Variants in PTPRN2 observed in about 807,000 individuals in gnomAD.
The protein encoded by PTPRN2 is receptor-type tyrosine-protein phosphatase N2.
PTPRN2 carries 74 observed loss-of-function variants against 118.8 expected under a neutral mutation model. The ratio of observed to expected loss-of-function variants is 0.62; its 90% CI spans 0.52 to 0.76. The LOEUF (loss-of-function observed/expected upper bound fraction) is 0.76. Among genes scored for constraint, PTPRN2 ranks in the 30% least tolerant of loss-of-function variants. The pLI, the probability that PTPRN2 is intolerant of heterozygous loss-of-function variation, is 0.00. For missense variants in PTPRN2, 1,481 were observed against 1,394.4 expected (o/e 1.06, Z -0.99); for synonymous variants, 641 against 608.0 (o/e 1.05, Z -0.80).
chr7:157,585,106 G>A lies in PTPRN2; in HGVS notation c.2497-6966C>T, dbSNP rs75340341. ...TTTAGGGATGACACGATGAGGTGAC[G>A]TAGCCCACACACACGTCAGCAGTGC... On this transcript the variant is annotated intron_variant, in intron 17 of 22. Transcript: ENST00000389418. This position sits in a 1 kb window ranked among gnomAD's most constrained non-coding sequence, Gnocchi z 5.2. 0.018 allele frequency among the ~76,000 whole-genome samples: 2,698 copies of A among 152,246 alleles called. 43 individuals are homozygous for A. The highest frequency in any genetic ancestry group is 0.061 in the South Asian group (295 of 4,820).
chr7:157,733,273 T>TTG, intron 12 of PTPRN2, among the ~76,000 whole-genome samples: 1 of 21,566 alleles, frequency 4.6e-5, no homozygotes, highest in African/African-American at 2.6e-4. Flanking sequence ...CAGTTACTCT[T>TTG]CCGTCCCATG....
Position 157,638,007 on chromosome 7 carries a change from G to A in PTPRN2, c.2197-16498C>T, listed in dbSNP as rs116684436. ...CTATAGCACCTTATTTGAAAATGCC[G>A]AAGTTCTAAAGGTGCTCACTGAAAG... On this transcript the variant is annotated intron_variant, in intron 14 of 22. Coordinates refer to ENST00000389418, the MANE Select transcript of PTPRN2 (RefSeq NM_002847.5). Among the ~76,000 whole-genome samples the A allele has an allele frequency of 4.4e-3, 677 of 152,310 alleles. 7 individuals are homozygous for A. The highest frequency in any genetic ancestry group is 0.015 in the African/African-American group (644 of 41,564).
At chr7:158,497,360 A>G (rs1013772622) in intron 1 of PTPRN2, among the ~76,000 whole-genome samples, 1 of 149,824 alleles carries the variant, frequency 6.7e-6, no homozygotes, top group African/African-American at 2.5e-5. Flanking sequence ...TCACCTGCCG[A>G]TCCAGAGTAT....
At chr7:158,274,732 G>C (rs1246948060) in intron 3 of PTPRN2, among the ~76,000 whole-genome samples, 1 of 152,152 alleles carries the variant, frequency 6.6e-6, no homozygotes, top group African/African-American at 2.4e-5. Context: ...GGTACCCTAC[G>C]GGGGGAGTCA....
intron 4 of PTPRN2, among the ~76,000 whole-genome samples, chr7:158,204,116 CTTGCTGGGG>C (rs1826912906): frequency 2.7e-5 from 4 of 149,614 alleles, no homozygotes; most frequent in South Asian, 2.1e-4. Flanking sequence ...GTGTGCGCCG[CTTGCTGGGG>C]AAAGACGCAG....
At chr7:158,461,715 G>A (rs935842273) in intron 2 of PTPRN2, among the ~76,000 whole-genome samples, 3 of 152,158 alleles carry the variant, frequency 2.0e-5, no homozygotes, top group Non-Finnish European at 4.4e-5. Flanking sequence ...AGAGCCTCTT[G>A]GCCACCTGCT....
At chr7:158,379,634 G>A (rs921860527) in intron 2 of PTPRN2, among the ~76,000 whole-genome samples, 9 of 151,728 alleles carry the variant, frequency 5.9e-5, no homozygotes, top group African/African-American at 2.2e-4. Context: ...CAAACTCACA[G>A]CACAGCCCAC....
intron 12 of PTPRN2, among the ~76,000 whole-genome samples, chr7:157,839,617 T>G (rs562193820): frequency 1.3e-5 from 2 of 151,686 alleles, no homozygotes; most frequent in South Asian, 4.2e-4. Context: ...AGGGCCTGTG[T>G]GGGAATGTGT....
chr7:158,425,861 G>A (rs71547539), intron 2 of PTPRN2, among the ~76,000 whole-genome samples: 4 of 132,788 alleles, frequency 3.0e-5, no homozygotes, highest in Admixed American at 1.4e-4. Flanking sequence ...CGGGAAAGAC[G>A]CGGGGTCCGA....
chr7:157,717,484 G>T (rs1434839830), intron 12 of PTPRN2, among the ~76,000 whole-genome samples: 4 of 152,268 alleles, frequency 2.6e-5, no homozygotes, highest in Non-Finnish European at 5.9e-5. Flanking sequence ...TGCAGTGAGT[G>T]TCCGAGCCTG....
intron 3 of PTPRN2, among the ~76,000 whole-genome samples, chr7:158,207,406 C>T (rs1247008212): frequency 1.3e-5 from 2 of 152,100 alleles, no homozygotes; most frequent in African/African-American, 4.8e-5. Flanking sequence ...AATGGTTGAA[C>T]TAGTTTACAA....
At chr7:157,799,333 A>G (rs987017147) in intron 12 of PTPRN2, among the ~76,000 whole-genome samples, 2 of 150,998 alleles carry the variant, frequency 1.3e-5, no homozygotes, top group African/African-American at 5.0e-5. Context: ...ATCTCTCCCC[A>G]GGCTCCAAAG....
At chr7:158,575,269 G>A (rs1047821546) in intron 1 of PTPRN2, among the ~76,000 whole-genome samples, 8 of 151,936 alleles carry the variant, frequency 5.3e-5, no homozygotes, top group African/African-American at 1.7e-4. Flanking sequence ...AATATCTGAC[G>A]TTCTTTCAGA....
intron 2 of PTPRN2, among the ~76,000 whole-genome samples, chr7:158,465,540 T>G (rs1819328001): frequency 6.6e-6 from 1 of 152,244 alleles, no homozygotes; most frequent in Non-Finnish European, 1.5e-5. Flanking sequence ...AATATTTTAT[T>G]TGCAGTATCA....
chr7:158,097,605 A>C (rs1055725473), intron 10 of PTPRN2, among the ~76,000 whole-genome samples: 4 of 152,098 alleles, frequency 2.6e-5, no homozygotes, highest in Non-Finnish European at 5.9e-5. Context: ...TGTCTTTGGC[A>C]TCCTTTTTCC....
intron 11 of PTPRN2, among the ~76,000 whole-genome samples, chr7:158,058,890 C>T (rs1430274533): frequency 8.3e-6 from 1 of 121,026 alleles, no homozygotes; most frequent in East Asian, 2.6e-4. Context: ...TGAGACACCA[C>T]TGCAGCCACA....
intron 15 of PTPRN2, among the ~76,000 whole-genome samples, chr7:157,607,502 G>A (rs1802076937): frequency 6.6e-6 from 1 of 152,252 alleles, no homozygotes; most frequent in Admixed American, 6.5e-5. Context: ...GGTCAGGAGG[G>A]AGCAGGGCAG....
chr7:158,143,451 C>A (rs2150478721), intron 6 of PTPRN2, among the ~76,000 whole-genome samples: 1 of 152,334 alleles, frequency 6.6e-6, no homozygotes, highest in South Asian at 2.1e-4. Context: ...GGGATGTCTC[C>A]ACACATGCCT....
At chr7:158,002,435 G>A (rs1226843436) in intron 11 of PTPRN2, among the ~76,000 whole-genome samples, 1 of 152,222 alleles carries the variant, frequency 6.6e-6, no homozygotes, top group Non-Finnish European at 1.5e-5. Context: ...ACCTCTGGTG[G>A]GGAGAGTCAC....
Sources: gnomAD v4.1 joint callset for allele counts (sites outside exome capture counted in the v4.1 genomes callset) on GRCh38, gnomAD v4.1.1 for gene constraint, Gnocchi (gnomAD v3.1) non-coding constraint, MANE v1.5 for transcripts, NCBI Gene and HGNC (gene_info 2026-07-23, HGNC 2026-07-21) for gene names.